SDK1: variants seen among roughly 807,000 people sequenced by gnomAD.
SDK1 encodes the protein protein sidekick-1.
A neutral mutation model predicts 245.5 loss-of-function variants in SDK1; 157 were observed. That is an observed-to-expected ratio of 0.64 (90% CI 0.56 to 0.73). The LOEUF is 0.73. Ranked by LOEUF, SDK1 falls within the 30% of genes least tolerant of loss-of-function variation. The pLI, the probability that SDK1 is intolerant of heterozygous loss-of-function variation, is 0.00. For synonymous variants in SDK1, 1,647 were observed against 1,278.5 expected (o/e 1.29, Z -6.15); for missense variants, 3,583 against 3,002.3 (o/e 1.19, Z -4.52).
chr7:3,770,015 C>T (rs955532588), intron 4 of SDK1, among the ~76,000 whole-genome samples: 7 of 151,446 alleles, frequency 4.6e-5, no homozygotes, highest in Admixed American at 4.0e-4. Flanking sequence ...TCACATATCC[C>T]TACTACAGTC....
chr7:3,957,189 G>T (rs1183550361), intron 7 of SDK1, among the ~76,000 whole-genome samples: 1 of 152,174 alleles, frequency 6.6e-6, no homozygotes, highest in Non-Finnish European at 1.5e-5. Context: ...GGGTGCTCCT[G>T]GTCATGGAAG....
chr7:3,994,467 C>T (rs1201662818), intron 14 of SDK1, among the ~76,000 whole-genome samples: 5 of 151,858 alleles, frequency 3.3e-5, no homozygotes, highest in African/African-American at 1.2e-4. Flanking sequence ...CATAGCAAGA[C>T]CCCATATCTA....
At chr7:3,771,837 A>G (rs1780412815) in intron 4 of SDK1, among the ~76,000 whole-genome samples, 1 of 152,146 alleles carries the variant, frequency 6.6e-6, no homozygotes, top group South Asian at 2.1e-4. Flanking sequence ...TTGTACAACC[A>G]TCACCCCCCA....
chr7:3,362,193 A>G (rs2128560926), intron 1 of SDK1, among the ~76,000 whole-genome samples: 1 of 152,320 alleles, frequency 6.6e-6, no homozygotes, highest in Middle Eastern at 3.4e-3. Flanking sequence ...AGAACCCTAT[A>G]TATCCCTGAG....
At chr7:3,765,621 G>A (rs1470058127) in intron 4 of SDK1, among the ~76,000 whole-genome samples, 2 of 152,080 alleles carry the variant, frequency 1.3e-5, no homozygotes, top group Admixed American at 6.6e-5. Context: ...TCTACATCCA[G>A]ACATACTCAT....
chr7:3,959,799 T>G (rs1183485707), intron 8 of SDK1, among the ~76,000 whole-genome samples: 3 of 152,120 alleles, frequency 2.0e-5, no homozygotes, highest in South Asian at 2.1e-4. Flanking sequence ...TTACCTTTTT[T>G]TTTTTGCCTT....
chr7:3,562,253 C>A (rs1312380822), intron 1 of SDK1, among the ~76,000 whole-genome samples: 1 of 152,214 alleles, frequency 6.6e-6, no homozygotes, highest in African/African-American at 2.4e-5. Context: ...AAATAACCTG[C>A]CATCATCAGC....
intron 19 of SDK1, among the ~76,000 whole-genome samples, chr7:4,062,652 A>G (rs1747124402): frequency 1.3e-5 from 2 of 152,182 alleles, no homozygotes; most frequent in African/African-American, 2.4e-5. Flanking sequence ...AGGACATAAC[A>G]ACAAAAAACT....
chr7:3,645,437 T>C (rs1034428130), intron 4 of SDK1, among the ~76,000 whole-genome samples: 8 of 152,216 alleles, frequency 5.3e-5, no homozygotes, highest in African/African-American at 1.9e-4. Context: ...TGTGCAAGAT[T>C]ACATAAATCA....
chr7:4,132,311 G>T lies in SDK1; in HGVS notation c.4130-14G>T. The stretch of plus-strand genomic sequence containing the variant: ...CTGTCTTGAGATCTGAATCCCTGTG[G>T]TTTTTCCCTTCAGCCCCAGGCCCAC... On this transcript the variant is annotated splice_polypyrimidine_tract_variant and intron_variant, in intron 27 of 44. Transcript: ENST00000404826. The T allele has an allele frequency of 1.3e-6, 2 of 1,599,764 alleles. No homozygotes were observed. Among genetic ancestry groups the T allele is most frequent in the African/African-American group, 1.3e-5 (1 of 74,796 alleles).
intron 1 of SDK1, among the ~76,000 whole-genome samples, chr7:3,435,919 G>C (rs1177018025): frequency 6.6e-6 from 1 of 152,176 alleles, no homozygotes; most frequent in African/African-American, 2.4e-5. Flanking sequence ...AAGCAACAAA[G>C]GTTCTTCTAT....
intron 1 of SDK1, among the ~76,000 whole-genome samples, chr7:3,599,169 T>C (rs938674724): frequency 1.3e-5 from 2 of 149,520 alleles, no homozygotes; most frequent in Non-Finnish European, 3.0e-5. Context: ...GCCATTCCGA[T>C]AGATGTGCAG....
chr7:3,769,281 T>C (rs953296829), intron 4 of SDK1, among the ~76,000 whole-genome samples: 6 of 152,166 alleles, frequency 3.9e-5, no homozygotes, highest in African/African-American at 1.2e-4. Flanking sequence ...AGGTCCAAGA[T>C]CAAGGGTCTG....
At chr7:3,950,227 CAT>C (rs1341218688) in intron 5 of SDK1, among the ~76,000 whole-genome samples, 9 of 152,326 alleles carry the variant, frequency 5.9e-5, no homozygotes, top group African/African-American at 1.9e-4. Flanking sequence ...GACCCCATCT[CAT>C]GTGGTCTGAG....
chr7:3,764,520 T>C (rs1583390177), intron 4 of SDK1, among the ~76,000 whole-genome samples: 1 of 152,238 alleles, frequency 6.6e-6, no homozygotes, highest in African/African-American at 2.4e-5. Flanking sequence ...ATCCCGCCTC[T>C]ACTAATAATA....
At chr7:3,887,282 A>C (rs1311821094) in intron 5 of SDK1, among the ~76,000 whole-genome samples, 2 of 152,210 alleles carry the variant, frequency 1.3e-5, no homozygotes, top group African/African-American at 4.8e-5. Flanking sequence ...AATTCACTCC[A>C]GAAATGATAA....
chr7:3,680,434 C>T (rs1006205002), intron 4 of SDK1, among the ~76,000 whole-genome samples: 1 of 152,036 alleles, frequency 6.6e-6, no homozygotes, highest in African/African-American at 2.4e-5. Context: ...GATAAAACTG[C>T]ATAAAACTAT....
chr7:4,255,324 C>T (rs1181694709), intron 44 of SDK1, among the ~76,000 whole-genome samples: 3 of 152,198 alleles, frequency 2.0e-5, no homozygotes, highest in African/African-American at 7.2e-5. Context: ...TCTGTTCTTA[C>T]AGAATAACTC....
At chr7:4,258,645 C>G (rs912049245) in intron 44 of SDK1, among the ~76,000 whole-genome samples, 2 of 152,188 alleles carry the variant, frequency 1.3e-5, no homozygotes, top group African/African-American at 4.8e-5. Context: ...CTAAGAAGGT[C>G]ACTTGCATTT....
Sources: allele counts gnomAD v4.1 joint callset (sites outside exome capture counted in the v4.1 genomes callset), GRCh38; gene constraint gnomAD v4.1.1; transcripts MANE v1.5; gene names NCBI Gene and HGNC (gene_info 2026-07-23, HGNC 2026-07-21).